The following CHODL variants were observed in gnomAD, a reference collection of about 807,000 sequenced individuals.
The protein encoded by CHODL is chondrolectin.
CHODL carries 29 observed loss-of-function variants against 34.5 expected under a neutral mutation model. The observed-to-expected ratio is 0.84, with a 90% CI of 0.63 to 1.15. The LOEUF is 1.15. Ranked by LOEUF, CHODL falls within the 50% of genes most tolerant of loss-of-function variation. The probability of loss-of-function intolerance (pLI) is 0.00; values close to 1 mark genes in which losing one functional copy is unlikely to be tolerated. For missense variants in CHODL, 332 were observed against 332.5 expected, an observed-to-expected ratio of 1.00 and a Z score of 0.01; for synonymous variants, 125 against 116.1, an observed-to-expected ratio of 1.08 and a Z score of -0.49.
intron 1 of CHODL, among the ~76,000 whole-genome samples, chr21:17,983,152 C>A (rs568841031): frequency 1.3e-5 from 2 of 152,166 alleles, no homozygotes; most frequent in Non-Finnish European, 2.9e-5. Flanking sequence ...TCTTTCTAAT[C>A]TGCTTTATTT....
In CHODL at chr21:18,262,824, C is replaced by T. The variant is rs768016396; in HGVS notation, c.668C>T (p.Pro223Leu). ...IIPNLIYVVIPTIPLLLLILV... is the reference protein window; with the variant it reads ...IIPNLIYVVILTIPLLLLILV... ...CCCAATCTAATTTATGTTGTTATACCAACAATACCCCTGCTCTTACTGATA... is the reference window on the plus strand; with the variant it reads ...CCCAATCTAATTTATGTTGTTATACTAACAATACCCCTGCTCTTACTGATA... The change falls in exon 5 of 6, where the codon CCA becomes CTA. Residue 223 changes from proline to leucine, a missense_variant. Coordinates refer to ENST00000299295, the MANE Select transcript of CHODL (RefSeq NM_024944.3). 2.5e-6 allele frequency: 4 copies of T among 1,606,386 alleles called. No individual in the cohort carries two copies. Among genetic ancestry groups the T allele is most frequent in the Non-Finnish European group, 3.4e-6 (4 of 1,173,912 alleles).
chr21:18,158,087 T>TA (rs397866898), intron 2 of CHODL, among the ~76,000 whole-genome samples: 1 of 150,910 alleles, frequency 6.6e-6, no homozygotes, highest in Non-Finnish European at 1.5e-5. Flanking sequence ...TTTTTTTTTT[T>TA]AATTCAGGTG....
chr21:18,242,913 A>G (rs2074095583), upstream of CHODL, among the ~76,000 whole-genome samples: 1 of 152,160 alleles, frequency 6.6e-6, no homozygotes, highest in Non-Finnish European at 1.5e-5. Context: ...GCCTACTGAT[A>G]TATAGGAATA....
At chr21:18,185,532 C>T (rs887025212) in intron 2 of CHODL, among the ~76,000 whole-genome samples, 2 of 152,018 alleles carry the variant, frequency 1.3e-5, no homozygotes, top group African/African-American at 4.8e-5. Context: ...CCTTTGGGAT[C>T]CCTCTTTTGT....
chr21:18,066,000 A>G (rs187831482), intron 2 of CHODL, among the ~76,000 whole-genome samples: 2 of 152,192 alleles, frequency 1.3e-5, no homozygotes, highest in African/African-American at 4.8e-5. Context: ...TTAAGTTTCA[A>G]TGACCTCCCA....
At chr21:17,959,886 A>G (rs2063519533) in intron 1 of CHODL, among the ~76,000 whole-genome samples, 1 of 152,228 alleles carries the variant, frequency 6.6e-6, no homozygotes, top group South Asian at 2.1e-4. Flanking sequence ...AATTTTCAGG[A>G]AATTAAAATG....
chr21:18,006,355 A>G (rs2063960813), intron 1 of CHODL, among the ~76,000 whole-genome samples: 2 of 150,432 alleles, frequency 1.3e-5, no homozygotes, highest in Admixed American at 1.3e-4. Flanking sequence ...TTAAAATAAA[A>G]GAAAAAAAAA....
intron 2 of CHODL, among the ~76,000 whole-genome samples, chr21:18,150,073 G>A (rs35325236): frequency 6.6e-6 from 1 of 152,118 alleles, no homozygotes; most frequent in East Asian, 1.9e-4. Context: ...GTCCAGAAAG[G>A]TGGGACAACT....
At chr21:18,018,817 T>A (rs1406280317) in intron 1 of CHODL, among the ~76,000 whole-genome samples, 8 of 152,216 alleles carry the variant, frequency 5.3e-5, no homozygotes, top group African/African-American at 1.9e-4. Flanking sequence ...GTGCTCCTTG[T>A]ATCTAAAATA....
chr21:17,992,497 A>G (rs912086372), intron 1 of CHODL, among the ~76,000 whole-genome samples: 2 of 152,104 alleles, frequency 1.3e-5, no homozygotes, highest in Non-Finnish European at 2.9e-5. Context: ...AGTGTTTTGC[A>G]GTTTTCACTG....
chr21:18,172,818 T>G (rs1283721870), intron 2 of CHODL, among the ~76,000 whole-genome samples: 1 of 152,114 alleles, frequency 6.6e-6, no homozygotes, highest in Non-Finnish European at 1.5e-5. Flanking sequence ...TTAATAAAGG[T>G]CAGAAATGTG....
At chr21:18,227,684 G>A (rs2073943002) in intron 2 of CHODL, among the ~76,000 whole-genome samples, 3 of 152,138 alleles carry the variant, frequency 2.0e-5, no homozygotes, top group Admixed American at 1.3e-4. Flanking sequence ...TCATGGTTAA[G>A]TGCAGATGAC....
intron 1 of CHODL, among the ~76,000 whole-genome samples, chr21:18,010,248 G>C (rs1298257096): frequency 8.4e-6 from 1 of 118,426 alleles, no homozygotes; most frequent in African/African-American, 3.2e-5. Flanking sequence ...AGTGAGCCGA[G>C]ATCGCGCCAC....
intron 2 of CHODL, among the ~76,000 whole-genome samples, chr21:18,167,033 A>G (rs1398247149): frequency 6.6e-6 from 1 of 152,164 alleles, no homozygotes. Context: ...CTCCTCTGGT[A>G]AAACAACTTG....
At chr21:18,136,928 C>A (rs769902147) in intron 2 of CHODL, among the ~76,000 whole-genome samples, 1 of 151,728 alleles carries the variant, frequency 6.6e-6, no homozygotes, top group African/African-American at 2.4e-5. Flanking sequence ...CCATGACATA[C>A]AGAAAAAAGA....
chr21:17,976,994 C>G (rs1313572254), intron 1 of CHODL, among the ~76,000 whole-genome samples: 1 of 152,164 alleles, frequency 6.6e-6, no homozygotes, highest in Non-Finnish European at 1.5e-5. Flanking sequence ...ACTAGCCACA[C>G]TGTAGTAGAA....
chr21:18,194,877 T>C lies in CHODL; in HGVS notation c.-44-61632T>C, dbSNP rs534208487. ...ATTTGTTGTGTACAGCATGTTGTTT[T>C]GAAGTATGTATATATTGTGGAATGA... On this transcript the variant is annotated intron_variant, in intron 2 of 6. Transcript: ENST00000400127. 5.9e-5 allele frequency among the ~76,000 whole-genome samples: 9 copies of C among 152,230 alleles called. No homozygotes were observed. In the South Asian group the frequency reaches 1.7e-3, roughly 28 times the overall value.
rs2074399603 is a variant in CHODL at position 18,262,863 on chromosome 21, G to A, written c.707G>A (p.Gly236Glu). 1 of 1,609,020 alleles carries A rather than the reference G, an allele frequency of 6.2e-7. No homozygotes were observed. Among genetic ancestry groups the A allele is most frequent in the Non-Finnish European group, 8.5e-7 (1 of 1,175,968 alleles). The change falls in exon 5 of 6, where the codon GGA (glycine) becomes GAA (glutamate). Residue 236 changes from glycine (G) to glutamate (E), a missense_variant. Physicochemically the swap from Gly to Glu is moderately conservative, Grantham distance 98. Transcript: ENST00000299295. ...CTCTTACTGATACTGGTTGCTTTTG[G>A]AACCTGTTGTTTCCAGATGCTGCAT... is the stretch of plus-strand genomic sequence containing the variant. ...PLLLLILVAFGTCCFQMLHKS... is the reference protein window; with the variant it reads ...PLLLLILVAFETCCFQMLHKS...
At chr21:18,124,814 C>T (rs113073505) in intron 2 of CHODL, among the ~76,000 whole-genome samples, 2 of 152,166 alleles carry the variant, frequency 1.3e-5, no homozygotes, top group African/African-American at 4.8e-5. Context: ...TTACTATATC[C>T]GGTGATTTCC....
Sources: gnomAD v4.1 joint callset for allele counts (sites outside exome capture counted in the v4.1 genomes callset) on GRCh38, gnomAD v4.1.1 for gene constraint, MANE v1.5 for transcripts, NCBI Gene and HGNC (gene_info 2026-07-23, HGNC 2026-07-21) for gene names.